Variants in ASTN2 observed in about 807,000 individuals in gnomAD.
ASTN2 encodes the protein astrotactin-2.
In ASTN2, 54 loss-of-function variants were observed where a neutral mutation model predicts 139.8. That is an observed-to-expected ratio of 0.39 (90% confidence interval 0.31 to 0.48). ASTN2 has a LOEUF of 0.48. Ranked by LOEUF, ASTN2 falls within the 20% of genes least tolerant of loss-of-function variation. The probability of loss-of-function intolerance (pLI) is 0.95; values close to 1 mark genes in which losing one functional copy is unlikely to be tolerated. For synonymous variants in ASTN2, 756 were observed against 719.5 expected (o/e 1.05, Z -0.81); for missense variants, 1,565 against 1,725.1 (o/e 0.91, Z 1.64).
At chr9:117,151,842 T>C (rs757647036) in intron 3 of ASTN2, among the ~76,000 whole-genome samples, 1 of 152,160 alleles carries the variant, frequency 6.6e-6, no homozygotes, top group Non-Finnish European at 1.5e-5. Context: ...TACCCAATCT[T>C]ACTTCTCTTC....
At chr9:116,789,839 A>G (rs1013578034) in intron 13 of ASTN2, among the ~76,000 whole-genome samples, 1 of 151,564 alleles carries the variant, frequency 6.6e-6, no homozygotes, top group African/African-American at 2.4e-5. Flanking sequence ...TATCTCACAG[A>G]TCCCTGGATT....
intron 7 of ASTN2, among the ~76,000 whole-genome samples, chr9:117,001,262 G>T (rs142824706): frequency 4.2e-4 from 64 of 152,294 alleles, no homozygotes; most frequent in African/African-American, 1.3e-3. Flanking sequence ...ACAAAGGAGA[G>T]ACTTCTTTAA....
At chr9:116,732,632 A>G (rs1828818561) in intron 14 of ASTN2, among the ~76,000 whole-genome samples, 1 of 152,328 alleles carries the variant, frequency 6.6e-6, no homozygotes, top group Admixed American at 6.5e-5. Context: ...TTTCTTAAGA[A>G]AAGGGTAGGA....
At chr9:116,492,555 C>G (rs554891223) in intron 19 of ASTN2, among the ~76,000 whole-genome samples, 1 of 152,124 alleles carries the variant, frequency 6.6e-6, no homozygotes, top group Non-Finnish European at 1.5e-5. Context: ...AAACTTGGTG[C>G]CTTGACTCCT....
At chr9:116,800,466 C>A (rs1830817944) in intron 13 of ASTN2, among the ~76,000 whole-genome samples, 1 of 152,128 alleles carries the variant, frequency 6.6e-6, no homozygotes, top group African/African-American at 2.4e-5. Flanking sequence ...ACATGCTCGC[C>A]CCCCAGAACA....
Position 116,803,538 on chromosome 9 carries a change from TTTTTTA to T in ASTN2, c.2396+2088_2396+2093del, listed in dbSNP as rs1410631625. 9.0e-4 allele frequency among the ~76,000 whole-genome samples: 110 copies of T among 122,690 alleles called. 2 individuals carry two copies. The highest frequency in any genetic ancestry group is 3.0e-3 in the African/African-American group (101 of 33,638). 80.5% of individuals were successfully genotyped at this position (122,690 alleles called of 152,430 possible). On this transcript the variant is annotated intron_variant, in intron 13 of 22. Transcript: ENST00000313400. ...TATATATATATTTTTTTTTTTTTTT[TTTTTTA>T]GACGGAGTCTCACTCTGTCATCCAG... is the stretch of plus-strand genomic sequence containing the variant.
chr9:116,693,961 A>C (rs1860704686), intron 16 of ASTN2, among the ~76,000 whole-genome samples: 1 of 152,132 alleles, frequency 6.6e-6, no homozygotes, highest in African/African-American at 2.4e-5. Context: ...TTTTCAAGTC[A>C]TGGAAGTGGG....
At chr9:116,445,915 G>A (rs1174485056) in intron 20 of ASTN2, among the ~76,000 whole-genome samples, 3 of 152,172 alleles carry the variant, frequency 2.0e-5, no homozygotes, top group Non-Finnish European at 2.9e-5. Flanking sequence ...GGGGGGTGGA[G>A]AAAGAGGAAG....
At chr9:116,494,464 G>A (rs16933619) in intron 19 of ASTN2, among the ~76,000 whole-genome samples, 6,249 of 151,968 alleles carry the variant, frequency 0.041, 433 homozygotes, top group African/African-American at 0.14. Context: ...GTTGCTTTTA[G>A]GTGCATTACA....
intron 10 of ASTN2, among the ~76,000 whole-genome samples, chr9:116,896,149 T>A (rs2132396304): frequency 6.6e-6 from 1 of 152,252 alleles, no homozygotes; most frequent in South Asian, 2.1e-4. Context: ...TTGAGTTCTA[T>A]GAGAGCTGAC....
At chr9:116,997,827 G>C (rs1413369834) in intron 7 of ASTN2, among the ~76,000 whole-genome samples, 1 of 152,126 alleles carries the variant, frequency 6.6e-6, no homozygotes. Flanking sequence ...AATAATTTTA[G>C]ATGTTGTTAT....
chr9:116,823,562 C>T (rs1234623356), intron 11 of ASTN2, among the ~76,000 whole-genome samples: 1 of 152,158 alleles, frequency 6.6e-6, no homozygotes, highest in Non-Finnish European at 1.5e-5. Flanking sequence ...CCATATTCCT[C>T]AGCACATGAG....
intron 16 of ASTN2, among the ~76,000 whole-genome samples, chr9:116,686,065 T>G (rs909483170): frequency 6.6e-6 from 1 of 152,200 alleles, no homozygotes; most frequent in African/African-American, 2.4e-5. Context: ...CTAATTACAA[T>G]TTTTCAAATA....
rs370187521 is a variant in ASTN2, at chr9:116,863,565, G to A, written c.2040+18C>T. 113 of 1,612,094 alleles carry A rather than the reference G, an allele frequency of 7.0e-5. 1 individual carries two copies. In the African/African-American group the frequency reaches 1.0e-3, roughly 15 times the overall value. On this transcript the variant is annotated intron_variant, in intron 11 of 22. Transcript: ENST00000313400. Reference sequence around the variant, plus strand: ...GCCCCTGGGCCACTGCCATGTTCCCGGGCCAATGGGCACTTACCACACATC... The same window carrying A: ...GCCCCTGGGCCACTGCCATGTTCCCAGGCCAATGGGCACTTACCACACATC...
intron 1 of ASTN2, among the ~76,000 whole-genome samples, chr9:117,380,277 G>C (rs1397594526): frequency 1.3e-5 from 2 of 152,074 alleles, no homozygotes; most frequent in Non-Finnish European, 2.9e-5. Flanking sequence ...AGCATGATAA[G>C]TTTTCTGGAG....
At chr9:116,520,726 T>G (rs1273875067) in intron 19 of ASTN2, among the ~76,000 whole-genome samples, 1 of 152,082 alleles carries the variant, frequency 6.6e-6, no homozygotes, top group Non-Finnish European at 1.5e-5. Flanking sequence ...TGTTTACTGA[T>G]GATATAATCA....
At chr9:116,731,961 A>T (rs1227318012) in intron 14 of ASTN2, among the ~76,000 whole-genome samples, 2 of 152,222 alleles carry the variant, frequency 1.3e-5, no homozygotes, top group Non-Finnish European at 2.9e-5. Context: ...GGAAGATTAG[A>T]CTAGACACCT....
intron 20 of ASTN2, among the ~76,000 whole-genome samples, chr9:116,468,383 C>T (rs1228404786): frequency 6.6e-6 from 1 of 152,174 alleles, no homozygotes; most frequent in Non-Finnish European, 1.5e-5. Context: ...TCCTGGTTGT[C>T]ACCAGTACTA....
At chr9:117,387,210 T>C (rs1209677585) in intron 1 of ASTN2, among the ~76,000 whole-genome samples, 1 of 152,198 alleles carries the variant, frequency 6.6e-6, no homozygotes, top group Non-Finnish European at 1.5e-5. Flanking sequence ...CCTCACTGAA[T>C]TGAAACAATA....
Sources: gnomAD v4.1 joint callset for allele counts (sites outside exome capture counted in the v4.1 genomes callset) on GRCh38, gnomAD v4.1.1 for gene constraint, MANE v1.5 for transcripts, NCBI Gene and HGNC (gene_info 2026-07-23, HGNC 2026-07-21) for gene names.